Variants in ADCY2 observed in about 807,000 individuals in gnomAD.
ADCY2 encodes the protein adenylate cyclase type 2.
ADCY2 carries 31 observed loss-of-function variants against 125.2 expected under a neutral mutation model. That is an observed-to-expected ratio of 0.25 (90% CI 0.19 to 0.33). The LOEUF is 0.33. Ranked by LOEUF, ADCY2 falls within the 10% of genes least tolerant of loss-of-function variation. ADCY2 has a pLI of 1.00. For synonymous variants in ADCY2, 512 were observed against 548.4 expected (o/e 0.93, Z 0.93); for missense variants, 904 against 1,418.2 (o/e 0.64, Z 5.82).
chr5:7,678,142 A>C lies in ADCY2; in HGVS notation c.721-12549A>C, dbSNP rs1740198549. On this transcript the variant is annotated intron_variant, in intron 4 of 24. Coordinates refer to ENST00000338316, the MANE Select transcript of ADCY2 (RefSeq NM_020546.3). ...CTCATTAGCCATGACTTCCATTTCC[A>C]TGCTGATCTTGATTTCTGCTTCCTG... Among the ~76,000 whole-genome samples, 5 of 152,164 alleles carry C rather than the reference A, an allele frequency of 3.3e-5. No individual in the cohort carries two copies. The South Asian group carries it at 1.0e-3, about 31-fold the overall frequency.
intron 4 of ADCY2, among the ~76,000 whole-genome samples, chr5:7,642,469 A>T (rs1266943704): frequency 6.6e-6 from 1 of 152,046 alleles, no homozygotes; most frequent in African/African-American, 2.4e-5. Context: ...CCCATTCTGT[A>T]GGCTGTGTGT....
At chr5:7,772,235 A>AGT (rs1267276443) in intron 17 of ADCY2, among the ~76,000 whole-genome samples, 1 of 152,206 alleles carries the variant, frequency 6.6e-6, no homozygotes, top group Non-Finnish European at 1.5e-5. Flanking sequence ...CGGTGCCTGC[A>AGT]GTGGTAAATG....
chr5:7,494,537 C>T (rs1172665434), intron 2 of ADCY2, among the ~76,000 whole-genome samples: 4 of 152,104 alleles, frequency 2.6e-5, no homozygotes, highest in Non-Finnish European at 4.4e-5. Context: ...TACATGTGCT[C>T]AAATTTCACC....
chr5:7,422,070 C>G (rs981932279), intron 2 of ADCY2, among the ~76,000 whole-genome samples: 1 of 152,158 alleles, frequency 6.6e-6, no homozygotes, highest in Non-Finnish European at 1.5e-5. Context: ...TTGGTTCTTA[C>G]ATTCATGGCA....
intron 5 of ADCY2, chr5:7,692,307 T>C (rs967138286): frequency 2.0e-5 from 3 of 152,154 alleles, no homozygotes; most frequent in African/African-American, 7.2e-5. Flanking sequence ...GACACCAGAT[T>C]TTAGATTAGC....
rs1049430195 is a variant in ADCY2, at chr5:7,779,455, G to A, written c.2385-4910G>A. Among the ~76,000 whole-genome samples, 7 of 152,116 alleles carry A rather than the reference G, an allele frequency of 4.6e-5. 1 individual carries two copies. In the South Asian group the frequency reaches 6.2e-4, roughly 14 times the overall value. On this transcript the variant is annotated intron_variant, in intron 18 of 24. Coordinates refer to ENST00000338316, the MANE Select transcript of ADCY2 (RefSeq NM_020546.3). Reference sequence around the variant, plus strand: ...ATGCCCCGCCCAACCACATCAGATCGCTCTGAGGTAGCAGTGGCTTCCGAC... The same window carrying A: ...ATGCCCCGCCCAACCACATCAGATCACTCTGAGGTAGCAGTGGCTTCCGAC...
intron 16 of ADCY2, among the ~76,000 whole-genome samples, chr5:7,761,148 C>CTTTTTTTTTTTTTTTTTTTTTT (rs367998018): frequency 1.1e-5 from 1 of 88,162 alleles, no homozygotes; most frequent in Admixed American, 1.8e-4. Flanking sequence ...CTTTTCTTTT[C>CTTTTTTTTTTTTTTTTTTTTTT]TTTTTTTTTT....
At chr5:7,577,905 G>A (rs926247533) in intron 3 of ADCY2, among the ~76,000 whole-genome samples, 6 of 152,140 alleles carry the variant, frequency 3.9e-5, no homozygotes, top group African/African-American at 1.4e-4. Flanking sequence ...CCAACGCAGC[G>A]AAATGGGCAG....
At chr5:7,825,581 A>C (rs964158189) in intron 24 of ADCY2, among the ~76,000 whole-genome samples, 1 of 152,168 alleles carries the variant, frequency 6.6e-6, no homozygotes, top group Admixed American at 6.5e-5. Context: ...CCTTTTTCTC[A>C]TGGTTCCAAA....
chr5:7,730,562 G>A (rs1260415440), intron 14 of ADCY2, among the ~76,000 whole-genome samples: 4 of 151,972 alleles, frequency 2.6e-5, no homozygotes, highest in Admixed American at 1.3e-4. Context: ...TTTTTGGAGG[G>A]GGAGTCTATG....
At chr5:7,704,739 G>A (rs181735443) in intron 7 of ADCY2, among the ~76,000 whole-genome samples, 12 of 152,042 alleles carry the variant, frequency 7.9e-5, no homozygotes, top group African/African-American at 1.2e-4. Context: ...TTAGCTGGGC[G>A]GTTTGGCGTG....
chr5:7,739,828 G>A (rs1462678778), intron 14 of ADCY2, among the ~76,000 whole-genome samples: 1 of 151,860 alleles, frequency 6.6e-6, no homozygotes, highest in Non-Finnish European at 1.5e-5. Context: ...TAGATAAAAT[G>A]AGTTTCTTGA....
chr5:7,634,689 T>C (rs1738432079), intron 4 of ADCY2, among the ~76,000 whole-genome samples: 1 of 151,182 alleles, frequency 6.6e-6, no homozygotes, highest in African/African-American at 2.4e-5. Flanking sequence ...TTGTCCTATT[T>C]ATCAAATTTA....
chr5:7,647,756 C>A (rs574682380), intron 4 of ADCY2, among the ~76,000 whole-genome samples: 1 of 152,198 alleles, frequency 6.6e-6, no homozygotes, highest in South Asian at 2.1e-4. Context: ...TTTTCACCAT[C>A]ATTTGGCAAA....
chr5:7,517,297 G>C (rs930805246), intron 2 of ADCY2, among the ~76,000 whole-genome samples: 1 of 152,152 alleles, frequency 6.6e-6, no homozygotes, highest in Non-Finnish European at 1.5e-5. Context: ...GTACATCTAA[G>C]GGGAATGTCA....
chr5:7,706,988 T>G, intron 8 of ADCY2, 86 bp downstream of exon 8: 1 of 1,522,546 alleles, frequency 6.6e-7, no homozygotes, highest in Admixed American at 1.9e-5. Flanking sequence ...GAGTGCTCAG[T>G]TTTTGATCAC....
intron 14 of ADCY2, among the ~76,000 whole-genome samples, chr5:7,742,668 T>C (rs1338861151): frequency 3.3e-5 from 5 of 152,218 alleles, no homozygotes; most frequent in South Asian, 2.1e-4. Flanking sequence ...GGGCACTAAC[T>C]GCTCAATTTG....
rs75101052 is a variant in ADCY2 at position 7,804,701 on chromosome 5, C to T, written c.2883+9C>T. 5,806 of 1,610,108 alleles carry T rather than the reference C, an allele frequency of 3.6e-3. 174 individuals carry two copies. In the African/African-American group the frequency reaches 0.066, roughly 18 times the overall value. On this transcript the variant is annotated intron_variant, in intron 22 of 24. Transcript: ENST00000338316. The stretch of plus-strand genomic sequence containing the variant: ...GCCAGGAGCACTCCCAGGTAAGACG[C>T]GTTGGCCACTTAACGGCACAGGTGA...
chr5:7,778,747 T>A (rs1743820313), intron 18 of ADCY2, among the ~76,000 whole-genome samples: 1 of 152,162 alleles, frequency 6.6e-6, no homozygotes, highest in African/African-American at 2.4e-5. Flanking sequence ...GATATTGCGA[T>A]GTATTTTCAC....
Sources: gnomAD v4.1 joint callset for allele counts (sites outside exome capture counted in the v4.1 genomes callset) on GRCh38, gnomAD v4.1.1 for gene constraint, MANE v1.5 for transcripts, NCBI Gene and HGNC (gene_info 2026-07-23, HGNC 2026-07-21) for gene names.